The following POMT1 variants were observed in gnomAD, a reference collection of about 807,000 sequenced individuals.
The protein encoded by POMT1 is protein O-mannosyltransferase 1.
A neutral mutation model predicts 101.6 loss-of-function variants in POMT1; 85 were observed. The observed-to-expected ratio is 0.84, with a 90% CI of 0.70 to 1.00. The LOEUF (loss-of-function observed/expected upper bound fraction) is 1.00, where lower values mean the gene tolerates loss of function less well. POMT1 is among the 50% of genes least tolerant of loss of function. The pLI, the probability that POMT1 is intolerant of heterozygous loss-of-function variation, is 0.00. For synonymous variants in POMT1, 371 were observed against 383.0 expected (o/e 0.97, Z 0.37); for missense variants, 857 against 930.4 (o/e 0.92, Z 1.03).
rs1205434269 is a variant in POMT1 at position 131,522,784 on chromosome 9, T to C, written c.2004-148T>C. 5.7e-6 allele frequency: 5 copies of C among 878,648 alleles called. No individual in the cohort carries two copies. The highest frequency in any genetic ancestry group is 2.0e-5 in the Admixed American group (1 of 49,146). 54.4% of individuals were successfully genotyped at this position (878,648 alleles called of 1,614,324 possible). On this transcript the variant is annotated intron_variant, in intron 19 of 19. Coordinates refer to ENST00000402686, the MANE Select transcript of POMT1 (RefSeq NM_001077365.2). The surrounding 1 kb of genome is among the most constrained non-coding windows in gnomAD (Gnocchi z 5.5). ...AGTGCATCCAGGTGGGAGATGGTCATGGGTGGCAGGAGACAAGACACAGAA... is the reference window on the plus strand; with the variant it reads ...AGTGCATCCAGGTGGGAGATGGTCACGGGTGGCAGGAGACAAGACACAGAA...
Position 131,503,195 on chromosome 9 carries a change from C to G in POMT1, c.-31+122C>G, listed in dbSNP as rs1944935887. ...CGGGGGCGTCCCCGTCTTTCCGGAG[C>G]TGGGGGCGGGGTTCGGGCCCGGGCA... On this transcript the variant is annotated intron_variant, in intron 1 of 19. Transcript: ENST00000402686. The surrounding 1 kb of genome is among the most constrained non-coding windows in gnomAD (Gnocchi z 4.4). The G allele has an allele frequency of 6.6e-6, 1 of 152,340 alleles. No individual in the cohort carries two copies. Among genetic ancestry groups the G allele is most frequent in the African/African-American group, 2.4e-5 (1 of 41,466 alleles). The allele number at this position is 152,340 out of a possible 1,614,324, so 9.4% of individuals were successfully genotyped here.
rs1949408674 is a variant in POMT1 at position 131,519,260 on chromosome 9, T to A, written c.1487-129T>A. 4.1e-6 allele frequency: 4 copies of A among 976,798 alleles called. No homozygotes were observed. The highest frequency in any genetic ancestry group is 6.3e-6 in the Non-Finnish European group (4 of 636,194). The allele number at this position is 976,798 out of a possible 1,614,324, so 60.5% of individuals were successfully genotyped here. On this transcript the variant is annotated intron_variant, in intron 15 of 19. Coordinates refer to ENST00000402686, the MANE Select transcript of POMT1 (RefSeq NM_001077365.2). The surrounding 1 kb of genome is among the most constrained non-coding windows in gnomAD (Gnocchi z 4.3). The stretch of plus-strand genomic sequence containing the variant: ...GTGTGGTGGGGAAAGCTAAGTGGAA[T>A]GATGCGGTTCGATAAGGGGTCTTTG...
In POMT1 at chr9:131,510,290, G is replaced by T; in HGVS notation, c.730G>T (p.Ala244Ser). 6.2e-7 allele frequency: 1 copy of T among 1,614,226 alleles called. No homozygotes were observed. The highest frequency in any genetic ancestry group is 8.5e-7 in the Non-Finnish European group (1 of 1,180,034). The change falls in exon 9 of 20, where the codon GCA becomes TCA. Residue 244 changes from alanine (A) to serine (S), a missense_variant. By Grantham distance (99) the Ala-to-Ser change is moderately conservative. Coordinates refer to ENST00000402686, the MANE Select transcript of POMT1 (RefSeq NM_001077365.2). Reference sequence around the variant, plus strand: ...TGTGTTCTGTCACTTGCTCGCCCGAGCAGTGGCTTTGCTGGTCATCCCGGT... The same window carrying T: ...TGTGTTCTGTCACTTGCTCGCCCGATCAGTGGCTTTGCTGGTCATCCCGGT... ...VCVFCHLLAR[A>S]VALLVIPVVL...
rs547643447 is a variant in POMT1, at chr9:131,508,191, T to C, written c.427+677T>C. 2.7e-5 allele frequency among the ~76,000 whole-genome samples: 4 copies of C among 149,398 alleles called. No homozygotes were observed. In the East Asian group the frequency reaches 8.0e-4, roughly 30 times the overall value. On this transcript the variant is annotated intron_variant, in intron 5 of 19. Coordinates refer to ENST00000402686, the MANE Select transcript of POMT1 (RefSeq NM_001077365.2). ...GGTGGAGGTGGCAGTGAGCCAAGAC[T>C]GCGCCACTGCACTCCAGCCTGGGCA...
chr9:131,514,775 G>A (rs1291385372), intron 12 of POMT1, among the ~76,000 whole-genome samples: 1 of 152,204 alleles, frequency 6.6e-6, no homozygotes, highest in Non-Finnish European at 1.5e-5. Flanking sequence ...GGCCAACATG[G>A]TGAAACCCCG....
chr9:131,521,584 C>CTAGG, intron 18 of POMT1, 112 bp downstream of exon 18: 1 of 1,296,166 alleles, frequency 7.7e-7, no homozygotes, highest in South Asian at 1.2e-5. Flanking sequence ...CCTGCCTCGG[C>CTAGG]CTCCCATAGT....
chr9:131,510,224 G>A lies in POMT1; in HGVS notation c.700-36G>A, dbSNP rs183985847. ...TCTAGAGGTGGGTACGCTTTTCCACGCAGTGGAACATGACTTTTCTTTGAA... is the reference window on the plus strand; with the variant it reads ...TCTAGAGGTGGGTACGCTTTTCCACACAGTGGAACATGACTTTTCTTTGAA... On this transcript the variant is annotated intron_variant, in intron 8 of 19. Transcript: ENST00000402686. 47 of 1,613,992 alleles carry A rather than the reference G, an allele frequency of 2.9e-5. No individual in the cohort carries two copies. In the Middle Eastern group the frequency reaches 5.0e-4, roughly 17 times the overall value.
At position 131,510,410 on chromosome 9, in the gene POMT1, T is replaced by G; in HGVS notation, c.850T>G (p.Leu284Val). 6.2e-7 allele frequency: 1 copy of G among 1,614,072 alleles called. No individual in the cohort carries two copies. The highest frequency in any genetic ancestry group is 1.3e-5 in the African/African-American group (1 of 75,046). ...CATGTCCAGTGCCTTCCAGGCCAGC[T>G]TAGAGGTAAGTAAGCAGTGGGCATC... ...QIMSSAFQAS[L>V]EGGLARITQG... Residue 284 changes from leucine (L) to valine (V), a missense_variant, in exon 9 of 20, where the codon TTA (leucine) becomes GTA (valine). Transcript: ENST00000402686.
At chr9:131,504,670 G>A (rs899307718) in intron 2 of POMT1, among the ~76,000 whole-genome samples, 12 of 151,680 alleles carry the variant, frequency 7.9e-5, no homozygotes, top group African/African-American at 2.7e-4. Flanking sequence ...ACTGTTGAGA[G>A]CACTTTTTAG....
chr9:131,511,914 T>C, intron 10 of POMT1, 127 bp from the exon 11 acceptor site: 2 of 894,260 alleles, frequency 2.2e-6, no homozygotes, highest in Non-Finnish European at 1.8e-6. Flanking sequence ...TCTCACTATG[T>C]TGCCCAGGCT....
intron 16 of POMT1, 23 bp from the exon 17 acceptor site, chr9:131,520,057 C>T: frequency 6.3e-7 from 1 of 1,599,204 alleles, no homozygotes; most frequent in Non-Finnish European, 8.6e-7. Context: ...TCCTCAATCT[C>T]AGAGGCCTCT....
chr9:131,518,282 GGGAA>G, intron 13 of POMT1, 159 bp from the exon 14 acceptor site: 1 of 776,710 alleles, frequency 1.3e-6, no homozygotes. Context: ...TGTGGGCATT[GGGAA>G]GGAAGGCCAG....
At chr9:131,506,989 C>T (rs368164131) in intron 4 of POMT1, among the ~76,000 whole-genome samples, 2 of 151,694 alleles carry the variant, frequency 1.3e-5, no homozygotes, top group Non-Finnish European at 2.9e-5. Context: ...AGGGCGTGAA[C>T]CCGGGAGGCG....
Position 131,522,591 on chromosome 9 carries a change from AG to A in POMT1, c.2004-340del. ...TGGTGTGGTGGAGAGAACCCAAGAA[AG>A]CTTCTAAACCAGAGTGTGTTTGGAG... On this transcript the variant is annotated intron_variant, in intron 19 of 19. Transcript: ENST00000402686. This position sits in a 1 kb window ranked among gnomAD's most constrained non-coding sequence, Gnocchi z 5.5. 1.9e-6 allele frequency: 1 copy of A among 524,806 alleles called. No individual in the cohort carries two copies. Among genetic ancestry groups the A allele is most frequent in the East Asian group, 3.4e-5 (1 of 29,044 alleles). 32.5% of individuals were successfully genotyped at this position (524,806 alleles called of 1,614,324 possible).
rs1489617043 is a variant in POMT1 at position 131,520,096 on chromosome 9, T to C, written c.1601T>C (p.Leu534Pro). The C allele has an allele frequency of 1.2e-6, 2 of 1,613,546 alleles. No individual in the cohort carries two copies. The highest frequency in any genetic ancestry group is 2.7e-5 in the African/African-American group (2 of 74,910). The change falls in exon 17 of 20, where the codon CTG becomes CCG. Residue 534 changes from leucine to proline, a missense_variant. Transcript: ENST00000402686. ...TTGTTCCAGTGGAGGATGCTGGCGCTGAGAAGTGATGACTCGGAACACAAG... is the reference window on the plus strand; with the variant it reads ...TTGTTCCAGTGGAGGATGCTGGCGCCGAGAAGTGATGACTCGGAACACAAG... ...FSELQWRMLA[L>P]RSDDSEHKYS...
At position 131,522,093 on chromosome 9, in the gene POMT1, C is replaced by T; in HGVS notation, c.1872C>T (p.Gly624=). The T allele has an allele frequency of 6.2e-7, 1 of 1,614,114 alleles. No individual in the cohort carries two copies. The highest frequency in any genetic ancestry group is 2.2e-5 in the East Asian group (1 of 44,870). Residue 624 remains glycine (G), a synonymous_variant, in exon 19 of 20, where the codon GGC becomes GGT. Transcript: ENST00000402686. This position sits in a 1 kb window ranked among gnomAD's most constrained non-coding sequence, Gnocchi z 5.5. Reference sequence around the variant, plus strand: ...TGGCTGGGGCGCTGTGTGCCGGTGGCTGGGCAGTGAACTACCTCCCGTTCT... The same window carrying T: ...TGGCTGGGGCGCTGTGTGCCGGTGGTTGGGCAGTGAACTACCTCCCGTTCT... ...WVLAGALCAG[G]WAVNYLPFFL... is the part of the protein sequence containing the mutation.
intron 12 of POMT1, 58 bp downstream of exon 12, chr9:131,513,389 T>A: frequency 1.3e-6 from 2 of 1,506,634 alleles, no homozygotes. Flanking sequence ...TGGTTCTCTG[T>A]TCAGACCAAA....
chr9:131,506,476 C>T, intron 4 of POMT1, 23 bp downstream of exon 4: 1 of 1,595,552 alleles, frequency 6.3e-7, no homozygotes, highest in Non-Finnish European at 8.6e-7. Context: ...TTTCATTTCC[C>T]TTTTAATGTG....
intron 14 of POMT1, 122 bp downstream of exon 14, chr9:131,518,659 C>T: frequency 7.2e-7 from 1 of 1,391,312 alleles, no homozygotes; most frequent in Admixed American, 1.7e-5. Flanking sequence ...TCATGGCTTC[C>T]TCTTACACTG....
Sources: gnomAD v4.1 joint callset for allele counts (sites outside exome capture counted in the v4.1 genomes callset) on GRCh38, gnomAD v4.1.1 for gene constraint, Gnocchi (gnomAD v3.1) non-coding constraint, MANE v1.5 for transcripts, NCBI Gene and HGNC (gene_info 2026-07-23, HGNC 2026-07-21) for gene names.